Variants in TCFL5 observed in about 807,000 individuals in gnomAD.
TCFL5 encodes the protein transcription factor like 5.
In TCFL5, 9 loss-of-function variants were observed where a neutral mutation model predicts 44.3. The observed-to-expected ratio is 0.20, with a 90% CI of 0.12 to 0.35. TCFL5 has a LOEUF of 0.35. Among genes scored for constraint, TCFL5 ranks in the 10% least tolerant of loss-of-function variants. TCFL5 has a pLI of 1.00. For synonymous variants in TCFL5, 319 were observed against 271.6 expected, an observed-to-expected ratio of 1.17 and a Z score of -1.72; for missense variants, 603 against 613.4, an observed-to-expected ratio of 0.98 and a Z score of 0.18.
At chr20:62,859,615 A>C in intron 2 of TCFL5, 89 bp from the exon 3 acceptor site, 1 of 1,224,710 alleles carries the variant, frequency 8.2e-7, no homozygotes, top group African/African-American at 1.6e-5. Flanking sequence ...AACAAACATC[A>C]AAACTACTAA....
intron 5 of TCFL5, among the ~76,000 whole-genome samples, chr20:62,853,752 C>T (rs183494208): frequency 6.6e-6 from 1 of 152,288 alleles, no homozygotes; most frequent in East Asian, 1.9e-4. Context: ...ATATACCGTA[C>T]ACAGCAGGTG....
chr20:62,846,038 G>A, intron 5 of TCFL5: 1 of 1,352,808 alleles, frequency 7.4e-7, no homozygotes, highest in Non-Finnish European at 9.8e-7. Flanking sequence ...GGCGTGTTGT[G>A]GATTCTTTCC....
intron 3 of TCFL5, among the ~76,000 whole-genome samples, chr20:62,859,030 G>A (rs961199802): frequency 1.3e-5 from 2 of 152,140 alleles, no homozygotes; most frequent in African/African-American, 4.8e-5. Context: ...CTCACTCATC[G>A]AGTATAACAT....
chr20:62,842,113 G>C lies in TCFL5; in HGVS notation c.1381-16C>G. 1.9e-6 allele frequency: 3 copies of C among 1,613,918 alleles called. No homozygotes were observed. Among genetic ancestry groups the C allele is most frequent in the African/African-American group, 1.3e-5 (1 of 75,040 alleles). ...TCTCAAATTCCTGCAGTGAAGAAGT[G>C]ACGGTTAACATACTGAATTAACTGA... On this transcript the variant is annotated splice_polypyrimidine_tract_variant and intron_variant, in intron 5 of 5. Transcript: ENST00000335351. The surrounding 1 kb of genome is among the most constrained non-coding windows in gnomAD (Gnocchi z 4.3).
In TCFL5 at chr20:62,841,827, G is replaced by A; in HGVS notation, c.*148C>T. The stretch of plus-strand genomic sequence containing the variant: ...CTAGATAAATATTTTTACAAAATGT[G>A]CTCTCAAAGTCCCTACTGGAGTCCC... On this transcript the variant is annotated 3_prime_UTR_variant, in exon 6 of 6. Coordinates refer to ENST00000335351, the MANE Select transcript of TCFL5 (RefSeq NM_006602.4). The A allele has an allele frequency of 1.1e-6, 1 of 945,974 alleles. No individual in the cohort carries two copies. The highest frequency in any genetic ancestry group is 3.3e-5 in the Admixed American group (1 of 30,496). 58.6% of individuals were successfully genotyped at this position (945,974 alleles called of 1,614,324 possible). A position where few individuals can be genotyped will look rare whatever the true frequency, so the allele number is the denominator to read the frequency against.
At chr20:62,846,665 C>G (rs1016470238) in intron 5 of TCFL5, among the ~76,000 whole-genome samples, 1 of 151,222 alleles carries the variant, frequency 6.6e-6, no homozygotes, top group African/African-American at 2.4e-5. Flanking sequence ...ACTCGGGAGG[C>G]TGAGGCAGGA....
rs1285844754 is a variant in TCFL5 at position 62,861,249 on chromosome 20, T to G, written c.422A>C (p.Glu141Ala). The change falls in exon 1 of 6, where the codon GAG becomes GCG. Residue 141 changes from glutamate to alanine, a missense_variant. Physicochemically the swap from Glu to Ala is moderately radical, Grantham distance 107. Coordinates refer to ENST00000335351, the MANE Select transcript of TCFL5 (RefSeq NM_006602.4). The surrounding 1 kb of genome is among the most constrained non-coding windows in gnomAD (Gnocchi z 4.0). ...TCCGTCCCCGCCGCCCGACGTCTTCTCCGCCGCGCCCGCCTCGCTTAGCAG... is the reference window on the plus strand; with the variant it reads ...TCCGTCCCCGCCGCCCGACGTCTTCGCCGCCGCGCCCGCCTCGCTTAGCAG... ...MMLLSEAGAA[E>A]KTSGGGDGAR... 10 of 1,191,292 alleles carry G rather than the reference T, an allele frequency of 8.4e-6. No individual in the cohort carries two copies. Among genetic ancestry groups the G allele is most frequent in the Admixed American group, 3.1e-5 (1 of 31,902 alleles). 73.8% of individuals were successfully genotyped at this position (1,191,292 alleles called of 1,614,324 possible).
intron 5 of TCFL5, among the ~76,000 whole-genome samples, chr20:62,849,049 T>C (rs1039064231): frequency 6.6e-6 from 1 of 152,044 alleles, no homozygotes; most frequent in African/African-American, 2.4e-5. Context: ...ATGCCTGTAG[T>C]CCTAGCTACT....
intron 5 of TCFL5, among the ~76,000 whole-genome samples, chr20:62,849,018 A>G (rs866988536): frequency 7.9e-5 from 12 of 152,220 alleles, no homozygotes; most frequent in Middle Eastern, 3.4e-3. Flanking sequence ...AAATACAAAA[A>G]TTAGCCGGGC....
chr20:62,859,642 CT>C, intron 2 of TCFL5, 116 bp from the exon 3 acceptor site: 1 of 915,238 alleles, frequency 1.1e-6, no homozygotes, highest in Non-Finnish European at 1.6e-6. Context: ...ATTTGAAGAA[CT>C]TTAGTTGCAC....
intron 5 of TCFL5, among the ~76,000 whole-genome samples, chr20:62,850,241 TGGGTGTAC>T (rs1284041824): frequency 6.6e-6 from 1 of 152,126 alleles, no homozygotes; most frequent in Non-Finnish European, 1.5e-5. Context: ...GACTGAAGCA[TGGGTGTAC>T]AGGTGTTCAC....
chr20:62,861,660 G>A lies in TCFL5; in HGVS notation c.11C>T (p.Pro4Leu), dbSNP rs1190370892. Residue 4 changes from proline (P) to leucine (L), a missense_variant, in exon 1 of 6, where the codon CCC becomes CTC. By Grantham distance (98) the Pro-to-Leu change is moderately conservative. Transcript: ENST00000335351. This position sits in a 1 kb window ranked among gnomAD's most constrained non-coding sequence, Gnocchi z 4.0. MSG[P>L]GPREPPPEAG... ...CTCCGGCGGCGGCTCCCGCGGTCCG[G>A]GGCCCGACATGGCGGCGCGGCGCGG... 3 of 851,378 alleles carry A rather than the reference G, an allele frequency of 3.5e-6. No individual in the cohort carries two copies. The highest frequency in any genetic ancestry group is 4.2e-6 in the Non-Finnish European group (3 of 709,440). 52.7% of individuals were successfully genotyped at this position (851,378 alleles called of 1,614,324 possible).
At position 62,861,243 on chromosome 20, in the gene TCFL5, G is replaced by C; in HGVS notation, c.428C>G (p.Thr143Arg). 1.7e-6 allele frequency: 2 copies of C among 1,184,026 alleles called. No homozygotes were observed. The highest frequency in any genetic ancestry group is 1.1e-6 in the Non-Finnish European group (1 of 939,724). 73.3% of individuals were successfully genotyped at this position (1,184,026 alleles called of 1,614,324 possible). ...CCTCGCTCCGTCCCCGCCGCCCGAC[G>C]TCTTCTCCGCCGCGCCCGCCTCGCT... ...LLSEAGAAEK[T>R]SGGGDGARAR... Residue 143 changes from threonine to arginine, a missense_variant, in exon 1 of 6, where the codon ACG becomes AGG. Coordinates refer to ENST00000335351, the MANE Select transcript of TCFL5 (RefSeq NM_006602.4). The surrounding 1 kb of genome is among the most constrained non-coding windows in gnomAD (Gnocchi z 4.0).
intron 5 of TCFL5, among the ~76,000 whole-genome samples, chr20:62,844,329 G>A (rs564559610): frequency 9.9e-5 from 15 of 152,256 alleles, no homozygotes; most frequent in Admixed American, 2.0e-4. Context: ...AATGACTAAC[G>A]GCTTGGCGCA....
At chr20:62,844,241 CTTTTGT>C (rs921792182) in intron 5 of TCFL5, among the ~76,000 whole-genome samples, 13 of 152,222 alleles carry the variant, frequency 8.5e-5, no homozygotes, top group South Asian at 2.1e-4. Flanking sequence ...TGCTATTTTG[CTTTTGT>C]TTTTGTTTTT....
Position 62,860,064 on chromosome 20 carries a change from A to G in TCFL5, c.831+61T>C, listed in dbSNP as rs990544119. 2.6e-6 allele frequency: 4 copies of G among 1,522,612 alleles called. No individual in the cohort carries two copies. The African/African-American group carries it at 4.2e-5, about 16-fold the overall frequency. The allele number at this position is 1,522,612 out of a possible 1,614,324, so 94.3% of individuals were successfully genotyped here. A position where few individuals can be genotyped will look rare whatever the true frequency, so the allele number is the denominator to read the frequency against. On this transcript the variant is annotated intron_variant, in intron 2 of 5. Coordinates refer to ENST00000335351, the MANE Select transcript of TCFL5 (RefSeq NM_006602.4). Reference sequence around the variant, plus strand: ...AAAAAGTACTTGGGACCTAACCAAAATAAGTTAAAATTTACCCATTTAATA... The same window carrying G: ...AAAAAGTACTTGGGACCTAACCAAAGTAAGTTAAAATTTACCCATTTAATA...
In TCFL5 at chr20:62,861,094, T is replaced by C. The variant is rs1205822464; in HGVS notation, c.577A>G (p.Ser193Gly). 1 of 996,912 alleles carries C rather than the reference T, an allele frequency of 1.0e-6. No homozygotes were observed. Among genetic ancestry groups the C allele is most frequent in the Non-Finnish European group, 1.2e-6 (1 of 839,682 alleles). 61.8% of individuals were successfully genotyped at this position (996,912 alleles called of 1,614,324 possible). A position where few individuals can be genotyped will look rare whatever the true frequency, so the allele number is the denominator to read the frequency against. ...GCGGGCGGCGGCTCGGCGGGGATGCTGTTGAAGCGGTCCTCCAGGCGGACG... is the reference window on the plus strand; with the variant it reads ...GCGGGCGGCGGCTCGGCGGGGATGCCGTTGAAGCGGTCCTCCAGGCGGACG... ...VRVRLEDRFN[S>G]IPAEPPPAPR... The change falls in exon 1 of 6, where the codon AGC becomes GGC. Residue 193 changes from serine to glycine, a missense_variant. Physicochemically the swap from Ser to Gly is moderately conservative, Grantham distance 56. Coordinates refer to ENST00000335351, the MANE Select transcript of TCFL5 (RefSeq NM_006602.4). This position sits in a 1 kb window ranked among gnomAD's most constrained non-coding sequence, Gnocchi z 4.0.
In TCFL5 at chr20:62,842,017, T is replaced by C. The variant is rs771231813; in HGVS notation, c.1461A>G (p.Ala487=). 1.5e-5 allele frequency: 25 copies of C among 1,614,126 alleles called. No homozygotes were observed. The highest frequency in any genetic ancestry group is 1.8e-5 in the Non-Finnish European group (21 of 1,180,052). ...AGGGGCTGCTCTGTAAACTCCCCTG[T>C]GCAGGACAGGTCACCAAGGAGTCCG... The part of the protein sequence containing the change: ...TRPDSLVTCP[A]QGSLQSSPSM... Residue 487 remains alanine, a synonymous_variant, in exon 6 of 6, where the codon GCA becomes GCG. Transcript: ENST00000335351. This position sits in a 1 kb window ranked among gnomAD's most constrained non-coding sequence, Gnocchi z 4.3.
chr20:62,848,704 C>T (rs980202478), intron 5 of TCFL5, among the ~76,000 whole-genome samples: 16 of 152,230 alleles, frequency 1.1e-4, no homozygotes, highest in Middle Eastern at 3.4e-3. Flanking sequence ...CGCCATTGCA[C>T]TCCAGACTGG....
Sources: gnomAD v4.1 joint callset for allele counts (sites outside exome capture counted in the v4.1 genomes callset) on GRCh38, gnomAD v4.1.1 for gene constraint, Gnocchi (gnomAD v3.1) non-coding constraint, MANE v1.5 for transcripts, NCBI Gene and HGNC (gene_info 2026-07-23, HGNC 2026-07-21) for gene names.